Variants in DAAM2 observed in about 807,000 individuals in gnomAD.
DAAM2 encodes the protein disheveled-associated activator of morphogenesis 2.
DAAM2 carries 39 observed loss-of-function variants against 120.7 expected under a neutral mutation model. The ratio of observed to expected loss-of-function variants is 0.32; its 90% CI spans 0.25 to 0.42. DAAM2 has a LOEUF of 0.42. DAAM2 is among the 10% of genes least tolerant of loss of function. The pLI, the probability that DAAM2 is intolerant of heterozygous loss-of-function variation, is 1.00. For synonymous variants in DAAM2, 488 were observed against 524.9 expected (o/e 0.93, Z 0.96); for missense variants, 1,283 against 1,401.7 (o/e 0.92, Z 1.35).
chr6:39,883,914 G>T, intron 14 of DAAM2, 48 bp from the exon 15 acceptor site: 1 of 1,289,574 alleles, frequency 7.8e-7, no homozygotes, highest in Non-Finnish European at 1.1e-6. Flanking sequence ...GCATCTTCAT[G>T]ATGGAGTTGG....
At chr6:39,800,742 C>T (rs567871703) in intron 1 of DAAM2, among the ~76,000 whole-genome samples, 10 of 152,298 alleles carry the variant, frequency 6.6e-5, no homozygotes, top group South Asian at 2.1e-4. Context: ...GCCCCTCTGC[C>T]GCAATGTGGG....
At chr6:39,879,083 T>A in intron 13 of DAAM2, 95 bp from the exon 14 acceptor site, 1 of 817,130 alleles carries the variant, frequency 1.2e-6, no homozygotes, top group East Asian at 2.7e-5. Context: ...GGGCCTAGTA[T>A]AGAAAGAAAC....
chr6:39,884,085 C>G lies in DAAM2; in HGVS notation c.1953+16C>G. ...GAGGCACCAGGTAAGACCCTATACC[C>G]TCTGGCCTCTTGGACCATACCCTTG... On this transcript the variant is annotated intron_variant, in intron 15 of 24. Transcript: ENST00000274867. 1 of 1,405,830 alleles carries G rather than the reference C, an allele frequency of 7.1e-7. No individual in the cohort carries two copies. Among genetic ancestry groups the G allele is most frequent in the South Asian group, 1.2e-5 (1 of 83,670 alleles). The allele number at this position is 1,405,830 out of a possible 1,614,324, so 87.1% of individuals were successfully genotyped here.
chr6:39,853,406 A>C (rs1357557347), intron 1 of DAAM2, among the ~76,000 whole-genome samples: 2 of 152,186 alleles, frequency 1.3e-5, no homozygotes, highest in African/African-American at 2.4e-5. Flanking sequence ...CCCTGTATGC[A>C]CGAGGTCCTT....
In DAAM2 at chr6:39,901,471, T is replaced by C. The variant is rs757336302; in HGVS notation, c.2981T>C (p.Met994Thr). Residue 994 changes from methionine to threonine, a missense_variant and splice_region_variant, in exon 24 of 25, where the codon ATG becomes ACG. This residue lies in a region of DAAM2 where 748 missense variants were observed against 768.6 expected (regional missense o/e 0.97). Coordinates refer to ENST00000274867, the MANE Select transcript of DAAM2 (RefSeq NM_001201427.2). This position sits in a 1 kb window ranked among gnomAD's most constrained non-coding sequence, Gnocchi z 4.5. ...EEERRARMEA[M>T]LKEQRERERW... is the part of the protein sequence containing the mutation. ...GAGCGGCGGGCGCGCATGGAAGCCATGGTGAGGGGCAGTGCCAGGCCTGGG... is the reference window on the plus strand; with the variant it reads ...GAGCGGCGGGCGCGCATGGAAGCCACGGTGAGGGGCAGTGCCAGGCCTGGG... The C allele has an allele frequency of 5.0e-6, 8 of 1,603,578 alleles. No homozygotes were observed. The highest frequency in any genetic ancestry group is 2.2e-5 in the East Asian group (1 of 44,780).
In DAAM2 at chr6:39,879,297, C is replaced by A; in HGVS notation, c.1665C>A (p.Pro555=). 6.8e-7 allele frequency: 1 copy of A among 1,479,958 alleles called. No homozygotes were observed. Among genetic ancestry groups the A allele is most frequent in the Non-Finnish European group, 9.3e-7 (1 of 1,076,790 alleles). 91.7% of individuals were successfully genotyped at this position (1,479,958 alleles called of 1,614,324 possible). A position where few individuals can be genotyped will look rare whatever the true frequency, so the allele number is the denominator to read the frequency against. Residue 555 remains proline (P), a synonymous_variant, in exon 14 of 25, where the codon CCC becomes CCA. Coordinates refer to ENST00000274867, the MANE Select transcript of DAAM2 (RefSeq NM_001201427.2). The stretch of plus-strand genomic sequence containing the variant: ...TGCCCTTTGCCTGTTGTCCCCCTCC[C>A]CCACCACCACCCCTTCCTCCCGGGG... ...PPLPFACCPP[P]PPPPLPPGGP... is the part of the protein sequence containing the mutation.
At position 39,898,916 on chromosome 6, in the gene DAAM2, G is replaced by A. The variant is rs61748651; in HGVS notation, c.2658G>A (p.Arg886=). Residue 886 remains arginine (R), a synonymous_variant, in exon 22 of 25, where the codon AGG becomes AGA. Coordinates refer to ENST00000274867, the MANE Select transcript of DAAM2 (RefSeq NM_001201427.2). ...ELEKEVGNLR[R]GLRAVEVELE... ...AGAAGGAGGTGGGCAACCTCAGGAG[G>A]GGCCTGAGAGCGGTGGAGGTGGTGA... is the stretch of plus-strand genomic sequence containing the variant. The A allele has an allele frequency of 3.4e-4, 541 of 1,612,394 alleles. 2 individuals carry two copies. The highest frequency in any genetic ancestry group is 4.4e-4 in the Non-Finnish European group (516 of 1,179,400).
rs77161545 is a variant in DAAM2 at position 39,842,891 on chromosome 6, C to T, written c.-56-13356C>T. On this transcript the variant is annotated intron_variant, in intron 1 of 24. Transcript: ENST00000274867. ...GGGGTGAGGGGTAATGTTGAGAATC[C>T]GCATGTGGAACGAGCAAGTCTATTC... 9.6e-3 allele frequency among the ~76,000 whole-genome samples: 1,462 copies of T among 151,846 alleles called. 20 individuals are homozygous for T. Among genetic ancestry groups the T allele is most frequent in the East Asian group, 0.08 (412 of 5,134 alleles).
At chr6:39,839,345 AC>A (rs1763235224) in intron 1 of DAAM2, among the ~76,000 whole-genome samples, 1 of 152,034 alleles carries the variant, frequency 6.6e-6, no homozygotes, top group African/African-American at 2.4e-5. Context: ...TTACTTAGAA[AC>A]TCTGAGGGCA....
intron 21 of DAAM2, among the ~76,000 whole-genome samples, chr6:39,898,009 CCAAA>C (rs1474671452): frequency 3.9e-5 from 6 of 152,180 alleles, no homozygotes; most frequent in South Asian, 2.1e-4. Context: ...CTGGGAAAAA[CCAAA>C]CAAAGACAAT....
At chr6:39,834,915 C>T (rs548774453) in intron 1 of DAAM2, among the ~76,000 whole-genome samples, 2 of 152,186 alleles carry the variant, frequency 1.3e-5, no homozygotes, top group Non-Finnish European at 2.9e-5. Context: ...TCCCTTAAGA[C>T]TGAGCTCTGG....
rs1191812397 is a variant in DAAM2, at chr6:39,883,621, C to A, written c.1846-341C>A. On this transcript the variant is annotated intron_variant, in intron 14 of 24. Coordinates refer to ENST00000274867, the MANE Select transcript of DAAM2 (RefSeq NM_001201427.2). The stretch of plus-strand genomic sequence containing the variant: ...AGGGGGAGTGGGCCTGTGTGAAGTA[C>A]CCTGAGTGCAGCTTCTGACTTTGCT... 3.1e-5 allele frequency: 8 copies of A among 259,832 alleles called. No individual in the cohort carries two copies. The Admixed American group carries it at 3.7e-4, about 12-fold the overall frequency. 16.1% of individuals were successfully genotyped at this position (259,832 alleles called of 1,614,324 possible).
At chr6:39,814,056 C>T (rs995377642) in intron 1 of DAAM2, among the ~76,000 whole-genome samples, 15 of 152,294 alleles carry the variant, frequency 9.8e-5, no homozygotes, top group Admixed American at 6.5e-4. Context: ...GCTTGTTCAG[C>T]CCGTGGCCCA....
At chr6:39,800,614 T>A (rs537518817) in intron 1 of DAAM2, among the ~76,000 whole-genome samples, 41 of 152,284 alleles carry the variant, frequency 2.7e-4, no homozygotes, top group Middle Eastern at 3.4e-3. Context: ...GTGCTGGACA[T>A]GGTTAGCCTT....
intron 1 of DAAM2, among the ~76,000 whole-genome samples, chr6:39,851,608 G>T (rs528143829): frequency 7.2e-5 from 11 of 152,226 alleles, no homozygotes; most frequent in Non-Finnish European, 1.5e-4. Context: ...GTTAGGGTTT[G>T]AGGGTAAGGG....
chr6:39,868,877 C>T lies in DAAM2; in HGVS notation c.817C>T (p.Leu273=). The change falls in exon 7 of 25, where the codon CTG becomes TTG. Residue 273 remains leucine (L), a synonymous_variant. Transcript: ENST00000274867. ...SLGRYRDEVN[L]KTAIMSFINA... Reference sequence around the variant, plus strand: ...GGGCCGGTACCGGGATGAAGTGAATCTGAAAACAGCCATCATGTCCTTCAT... The same window carrying T: ...GGGCCGGTACCGGGATGAAGTGAATTTGAAAACAGCCATCATGTCCTTCAT... 6.3e-7 allele frequency: 1 copy of T among 1,589,720 alleles called. No individual in the cohort carries two copies. Among genetic ancestry groups the T allele is most frequent in the Non-Finnish European group, 8.6e-7 (1 of 1,167,994 alleles).
At chr6:39,899,856 A>C in intron 22 of DAAM2, 2 of 441,164 alleles carry the variant, frequency 4.5e-6, no homozygotes, top group Non-Finnish European at 8.1e-6. Flanking sequence ...GCCCCAGGTC[A>C]CATGTTGGGT....
Position 39,851,761 on chromosome 6 carries a change from G to A in DAAM2, c.-56-4486G>A, listed in dbSNP as rs115916497. On this transcript the variant is annotated intron_variant, in intron 1 of 24. Coordinates refer to ENST00000274867, the MANE Select transcript of DAAM2 (RefSeq NM_001201427.2). ...GGGAAGCCTTTGGGAATAGGATCGC[G>A]CAGGCAGTATGAAAGGTCAGAGCTG... 8.8e-3 allele frequency among the ~76,000 whole-genome samples: 1,336 copies of A among 152,294 alleles called. 22 individuals are homozygous for A. Among genetic ancestry groups the A allele is most frequent in the African/African-American group, 0.03 (1,261 of 41,550 alleles).
chr6:39,881,765 C>T (rs1434473197), intron 14 of DAAM2: 2 of 152,004 alleles, frequency 1.3e-5, no homozygotes, highest in Non-Finnish European at 2.9e-5. Context: ...TTCCTACATA[C>T]AAAGTACTTG....
Sources: gnomAD v4.1 joint callset for allele counts (sites outside exome capture counted in the v4.1 genomes callset) on GRCh38, gnomAD v4.1.1 for gene constraint, gnomAD v4.1.1 regional missense constraint, Gnocchi (gnomAD v3.1) non-coding constraint, MANE v1.5 for transcripts, NCBI Gene and HGNC (gene_info 2026-07-23, HGNC 2026-07-21) for gene names.